Variants in ZNF692 observed in about 807,000 individuals in gnomAD.
ZNF692 encodes zinc finger protein 692, also known as AICAR responsive element binding protein.
Under a neutral mutation model 49.0 loss-of-function variants are expected in ZNF692, and 41 were observed. The ratio of observed to expected loss-of-function variants is 0.84; its 90% CI spans 0.65 to 1.08. The LOEUF is 1.08. ZNF692 is among the 50% of genes least tolerant of loss of function. The pLI is 0.00. For synonymous variants in ZNF692, 288 were observed against 251.5 expected (o/e 1.15, Z -1.37); for missense variants, 662 against 662.2 (o/e 1.00, Z 0.00).
Position 248,855,383 on chromosome 1 carries a change from C to CAAATACTGCCGGTTGGG in ZNF692, c.1034_1035insCCCAACCGGCAGTATTT (p.Leu345PhefsTer7). ...GGCCCCAACCTGTGCCCCTCACATTCAAATACTGCCGGTTGGAGAAGATCC... is the reference window on the plus strand; with the variant it reads ...GGCCCCAACCTGTGCCCCTCACATTCAAATACTGCCGGTTGGGAAATACTGCCGGTTGGAGAAGATCC... On this transcript the variant is annotated frameshift_variant, in exon 9 of 12. Transcript: ENST00000306601. LOFTEE classifies it high-confidence loss of function. The CAAATACTGCCGGTTGGG allele has an allele frequency of 2.5e-6, 4 of 1,614,166 alleles. No individual in the cohort carries two copies. Among genetic ancestry groups the CAAATACTGCCGGTTGGG allele is most frequent in the Non-Finnish European group, 3.4e-6 (4 of 1,180,034 alleles).
intron 3 of ZNF692, 109 bp downstream of exon 3, chr1:248,857,719 C>T: frequency 1.3e-6 from 2 of 1,521,454 alleles, no homozygotes; most frequent in Admixed American, 2.1e-5. Flanking sequence ...CCCAACTCAC[C>T]CCACCCTTCC....
In ZNF692 at chr1:248,856,985, G is replaced by C. The variant is rs115565844; in HGVS notation, c.475+249C>G. On this transcript the variant is annotated intron_variant, in intron 4 of 11. Coordinates refer to ENST00000306601, the MANE Select transcript of ZNF692 (RefSeq NM_017865.4). ...CCTTCCAGAGATATGTCATACATTCGCAAGTACTTACACATACACACACAC... is the reference window on the plus strand; with the variant it reads ...CCTTCCAGAGATATGTCATACATTCCCAAGTACTTACACATACACACACAC... Among the ~76,000 whole-genome samples the C allele has an allele frequency of 2.3e-3, 343 of 152,050 alleles. 1 individual carries two copies. Among genetic ancestry groups the C allele is most frequent in the African/African-American group, 7.8e-3 (325 of 41,470 alleles).
At chr1:248,855,514 C>T in intron 8 of ZNF692, 44 bp downstream of exon 8, 1 of 1,613,850 alleles carries the variant, frequency 6.2e-7, no homozygotes, top group Non-Finnish European at 8.5e-7. Flanking sequence ...TCTCTGCCTC[C>T]CTCCTCTCGG....
At chr1:248,857,561 C>T in intron 3 of ZNF692, 64 bp from the exon 4 acceptor site, 1 of 1,553,024 alleles carries the variant, frequency 6.4e-7, no homozygotes, top group Non-Finnish European at 8.7e-7. Flanking sequence ...CCTGGAGAGC[C>T]ATACCCAGGG....
Position 248,850,267 on chromosome 1 carries a change from G to A in ZNF692, c.1503C>T (p.Ser501=), listed in dbSNP as rs746984751. The part of the protein sequence containing the change: ...SISAPGPLGS[S]EGSRPSASPQ... Reference sequence around the variant, plus strand: ...GAGATGCAGAGGGCCTGGACCCCTCGCTGGATCCCAGAGGCCCAGGGGCAG... The same window carrying A: ...GAGATGCAGAGGGCCTGGACCCCTCACTGGATCCCAGAGGCCCAGGGGCAG... Residue 501 remains serine, a synonymous_variant, in exon 12 of 12, where the codon AGC becomes AGT. Transcript: ENST00000306601. The A allele has an allele frequency of 5.1e-5, 82 of 1,597,296 alleles. 1 individual carries two copies. The Middle Eastern group carries it at 6.8e-4, about 13-fold the overall frequency.
At position 248,850,215 on chromosome 1, in the gene ZNF692, G is replaced by A. The variant is rs752109818; in HGVS notation, c.1555C>T (p.Gln519Ter). The A allele has an allele frequency of 2.6e-6, 4 of 1,521,814 alleles. No individual in the cohort carries two copies. The highest frequency in any genetic ancestry group is 3.5e-6 in the Non-Finnish European group (4 of 1,135,080). The allele number at this position is 1,521,814 out of a possible 1,614,324, so 94.3% of individuals were successfully genotyped here. The change falls in exon 12 of 12, where the codon CAA becomes TAA. Residue 519 changes from glutamine (Q) to a stop codon, truncating the protein, a stop_gained. Coordinates refer to ENST00000306601, the MANE Select transcript of ZNF692 (RefSeq NM_017865.4). LOFTEE classifies it high-confidence loss of function. ...AGCCAAAGCTGGAGGAGAGCTCATT[G>A]CTGAGGAAGCAGGGTTGGAGCCTGA... ...SPQAPTLLPQ[Q>*]
In ZNF692 at chr1:248,858,524, G is replaced by C. The variant is rs1166622228; in HGVS notation, c.-12-203C>G. On this transcript the variant is annotated intron_variant, in intron 1 of 11. Coordinates refer to ENST00000306601, the MANE Select transcript of ZNF692 (RefSeq NM_017865.4). This position sits in a 1 kb window ranked among gnomAD's most constrained non-coding sequence, Gnocchi z 4.3. ...AGCTCAGCGCTACCATGTGAGTGTCGTCGGGTGGGAGGCAGGCAGACAGAA... is the reference window on the plus strand; with the variant it reads ...AGCTCAGCGCTACCATGTGAGTGTCCTCGGGTGGGAGGCAGGCAGACAGAA... 39 of 1,551,612 alleles carry C rather than the reference G, an allele frequency of 2.5e-5. No individual in the cohort carries two copies. The highest frequency in any genetic ancestry group is 3.3e-5 in the Non-Finnish European group (38 of 1,147,016).
chr1:248,856,012 C>G, intron 6 of ZNF692, 66 bp from the exon 7 acceptor site: 1 of 1,502,338 alleles, frequency 6.7e-7, no homozygotes, highest in Non-Finnish European at 9.1e-7. Flanking sequence ...CCTGCCCGAC[C>G]CTAGCCCCTA....
Position 248,855,888 on chromosome 1 carries a change from C to T in ZNF692, c.718G>A (p.Gly240Arg), listed in dbSNP as rs762124843. 2 of 1,614,124 alleles carry T rather than the reference C, an allele frequency of 1.2e-6. No individual in the cohort carries two copies. Among genetic ancestry groups the T allele is most frequent in the Non-Finnish European group, 1.7e-6 (2 of 1,180,026 alleles). ...PSPVTCTPKE[G>R]ETPPAPAALS... ...GCTGCAGGGGCTGGTGGTGTCTCCC[C>T]CTCTTTAGGTGTGCAGGTGACAGGG... The change falls in exon 7 of 12, where the codon GGG becomes AGG. Residue 240 changes from glycine to arginine, a missense_variant. By Grantham distance (125) the Gly-to-Arg change is moderately radical (BLOSUM62 -2). Transcript: ENST00000306601.
Position 248,855,926 on chromosome 1 carries a change from C to A in ZNF692, c.680G>T (p.Arg227Ile). 6.2e-7 allele frequency: 1 copy of A among 1,614,014 alleles called. No individual in the cohort carries two copies. The highest frequency in any genetic ancestry group is 8.5e-7 in the Non-Finnish European group (1 of 1,180,002). The change falls in exon 7 of 12, where the codon AGA becomes ATA. Residue 227 changes from arginine to isoleucine, a missense_variant. Transcript: ENST00000306601. Reference protein sequence around the residue: ...SPDDSEPDAPRLLPSPVTCTP... With the variant: ...SPDDSEPDAPILLPSPVTCTP... ...GCAGGTGACAGGGGAAGGCAGTAGT[C>A]TGGGGGCATCAGGCTCACTACTGAA...
intron 6 of ZNF692, 23 bp from the exon 7 acceptor site, chr1:248,855,969 G>T: frequency 6.2e-7 from 1 of 1,609,466 alleles, no homozygotes; most frequent in Non-Finnish European, 8.5e-7. Context: ...CAAAGAGGAA[G>T]ATGGCATTAA....
rs1187579945 is a variant in ZNF692, at chr1:248,858,700, G to C, written c.-13+218C>G. The C allele has an allele frequency of 2.5e-6, 2 of 784,434 alleles. No individual in the cohort carries two copies. The highest frequency in any genetic ancestry group is 3.4e-5 in the African/African-American group (2 of 58,384). The allele number at this position is 784,434 out of a possible 1,614,324, so 48.6% of individuals were successfully genotyped here. Reference sequence around the variant, plus strand: ...CAGCGGCCTTTACTGGTTTCTAGGGGAAGGAAAGGTCGTGTCCTGGCGTGC... The same window carrying C: ...CAGCGGCCTTTACTGGTTTCTAGGGCAAGGAAAGGTCGTGTCCTGGCGTGC... On this transcript the variant is annotated intron_variant, in intron 1 of 11. Transcript: ENST00000306601. This position sits in a 1 kb window ranked among gnomAD's most constrained non-coding sequence, Gnocchi z 4.3.
Position 248,850,019 on chromosome 1 carries a change from CT to C in ZNF692, c.*190del. 2 of 540,902 alleles carry C rather than the reference CT, an allele frequency of 3.7e-6. No individual in the cohort carries two copies. Among genetic ancestry groups the C allele is most frequent in the African/African-American group, 3.8e-5 (2 of 52,786 alleles). The allele number at this position is 540,902 out of a possible 1,614,324, so 33.5% of individuals were successfully genotyped here. On this transcript the variant is annotated 3_prime_UTR_variant, in exon 12 of 12. Transcript: ENST00000306601. ...TGCCCACACATGCCTGCATAAAATA[CT>C]GTTTATTTTGTCCTTTAGGAAGACT...
Position 248,858,456 on chromosome 1 carries a change from G to C in ZNF692, c.-12-135C>G, listed in dbSNP as rs1488767822. 1.3e-6 allele frequency: 2 copies of C among 1,551,612 alleles called. No individual in the cohort carries two copies. Among genetic ancestry groups the C allele is most frequent in the African/African-American group, 2.7e-5 (2 of 73,176 alleles). On this transcript the variant is annotated intron_variant, in intron 1 of 11. Coordinates refer to ENST00000306601, the MANE Select transcript of ZNF692 (RefSeq NM_017865.4). This position sits in a 1 kb window ranked among gnomAD's most constrained non-coding sequence, Gnocchi z 4.3. ...CTAAACTATTTCAATAGCAGTGGCA[G>C]GTGTGGAGCCAAACCCCGTCCTTCT...
At position 248,850,318 on chromosome 1, in the gene ZNF692, A is replaced by G. The variant is rs1304289345; in HGVS notation, c.1452T>C (p.Gly484=). The G allele has an allele frequency of 3.7e-6, 6 of 1,613,712 alleles. No homozygotes were observed. Among genetic ancestry groups the G allele is most frequent in the Non-Finnish European group, 5.1e-6 (6 of 1,179,918 alleles). ...LLLAPQESPS[G]PLEPCPSISA... ...AGATGCTGGGACAGGGCTCTAGGGG[A>G]CCACTGGGTGACTCTTGAGGGGCTA... is the stretch of plus-strand genomic sequence containing the variant. Residue 484 remains glycine, a synonymous_variant, in exon 12 of 12, where the codon GGT becomes GGC. Coordinates refer to ENST00000306601, the MANE Select transcript of ZNF692 (RefSeq NM_017865.4).
At chr1:248,856,143 A>G in intron 6 of ZNF692, 145 bp downstream of exon 6, 1 of 1,386,632 alleles carries the variant, frequency 7.2e-7, no homozygotes, top group Non-Finnish European at 9.7e-7. Context: ...CCTCAGTTCA[A>G]AGCCTCTAGT....
At position 248,858,517 on chromosome 1, in the gene ZNF692, G is replaced by A; in HGVS notation, c.-12-196C>T. 6.4e-7 allele frequency: 1 copy of A among 1,551,782 alleles called. No individual in the cohort carries two copies. Among genetic ancestry groups the A allele is most frequent in the East Asian group, 2.4e-5 (1 of 40,930 alleles). ...GTGTTGAAGCTCAGCGCTACCATGT[G>A]AGTGTCGTCGGGTGGGAGGCAGGCA... On this transcript the variant is annotated intron_variant, in intron 1 of 11. Coordinates refer to ENST00000306601, the MANE Select transcript of ZNF692 (RefSeq NM_017865.4). The surrounding 1 kb of genome is among the most constrained non-coding windows in gnomAD (Gnocchi z 4.3).
chr1:248,857,563 T>A, intron 3 of ZNF692, 66 bp from the exon 4 acceptor site: 2 of 1,550,480 alleles, frequency 1.3e-6, no homozygotes, highest in East Asian at 4.5e-5. Flanking sequence ...TGGAGAGCCA[T>A]ACCCAGGGAG....
At position 248,853,990 on chromosome 1, in the gene ZNF692, C is replaced by A. The variant is rs754408379; in HGVS notation, c.1100G>T (p.Gly367Val). 5.0e-6 allele frequency: 8 copies of A among 1,614,066 alleles called. No individual in the cohort carries two copies. The highest frequency in any genetic ancestry group is 1.1e-5 in the South Asian group (1 of 91,094). The change falls in exon 10 of 12, where the codon GGG becomes GTG. Residue 367 changes from glycine (G) to valine (V), a missense_variant. Physicochemically the swap from Gly to Val is moderately radical, Grantham distance 109 (BLOSUM62 -3). Transcript: ENST00000306601. ...GTGTTTCTTAAAGTTGAAAGACTTC[C>A]CACAGGCTGGCTCTGGGCAGGAGAA... is the stretch of plus-strand genomic sequence containing the variant. Reference protein sequence around the residue: ...KSFSCPEPACGKSFNFKKHLK... With the variant: ...KSFSCPEPACVKSFNFKKHLK...
Sources: allele counts gnomAD v4.1 joint callset (sites outside exome capture counted in the v4.1 genomes callset), GRCh38; gene constraint gnomAD v4.1.1; non-coding constraint Gnocchi (gnomAD v3.1); transcripts MANE v1.5; gene names NCBI Gene and HGNC (gene_info 2026-07-23, HGNC 2026-07-21).